OSBPL6: variants seen among roughly 807,000 people sequenced by gnomAD.
OSBPL6 encodes oxysterol binding protein like 6, also known as oxysterol-binding protein-related protein 6.
In OSBPL6, 49 loss-of-function variants were observed where a neutral mutation model predicts 125.8. The ratio of observed to expected loss-of-function variants is 0.39; its 90% CI spans 0.31 to 0.49. The LOEUF is 0.49. OSBPL6 is among the 20% of genes least tolerant of loss of function. The probability of loss-of-function intolerance (pLI) is 0.88; values close to 1 mark genes in which losing one functional copy is unlikely to be tolerated. For synonymous variants in OSBPL6, 394 were observed against 391.8 expected, an observed-to-expected ratio of 1.01 and a Z score of -0.07; for missense variants, 986 against 1,135.4, an observed-to-expected ratio of 0.87 and a Z score of 1.89.
intron 1 of OSBPL6, among the ~76,000 whole-genome samples, chr2:178,269,312 C>T (rs904351971): frequency 1.3e-5 from 2 of 152,112 alleles, no homozygotes; most frequent in African/African-American, 4.8e-5. Context: ...TGTTAATGGA[C>T]ATTTGGGTTA....
chr2:178,244,701 T>G (rs535430679), intron 1 of OSBPL6, among the ~76,000 whole-genome samples: 1 of 152,366 alleles, frequency 6.6e-6, no homozygotes, highest in South Asian at 2.1e-4. Context: ...CTACTGCTTA[T>G]GCTTATTTCA....
intron 2 of OSBPL6, among the ~76,000 whole-genome samples, chr2:178,296,132 C>G (rs13407992): frequency 0.39 from 59,684 of 151,972 alleles, 12,495 homozygotes; most frequent in East Asian, 0.68. Flanking sequence ...TGCTGGCAGG[C>G]TTATTAAAGC....
At chr2:178,351,688 A>G (rs891175776) in intron 12 of OSBPL6, among the ~76,000 whole-genome samples, 1 of 152,266 alleles carries the variant, frequency 6.6e-6, no homozygotes, top group South Asian at 2.1e-4. Flanking sequence ...CGTGTTTTGC[A>G]TGAACATGGA....
At chr2:178,240,938 G>A (rs1466323428) in intron 1 of OSBPL6, among the ~76,000 whole-genome samples, 1 of 151,998 alleles carries the variant, frequency 6.6e-6, no homozygotes, top group Admixed American at 6.5e-5. Context: ...TCCATTATGT[G>A]GCACATGGTC....
At chr2:178,201,848 C>G (rs1379300364) in intron 1 of OSBPL6, among the ~76,000 whole-genome samples, 1 of 152,198 alleles carries the variant, frequency 6.6e-6, no homozygotes. Flanking sequence ...GTGTGCCTGA[C>G]AGTGTTCCCA....
At chr2:178,359,968 T>G (rs976578985) in intron 12 of OSBPL6, among the ~76,000 whole-genome samples, 8 of 152,230 alleles carry the variant, frequency 5.3e-5, no homozygotes, top group Admixed American at 4.6e-4. Context: ...CTGCCTGTAA[T>G]CCCAGCTACT....
intron 1 of OSBPL6, among the ~76,000 whole-genome samples, chr2:178,220,520 G>T (rs1460574566): frequency 6.6e-6 from 1 of 152,050 alleles, no homozygotes; most frequent in Non-Finnish European, 1.5e-5. Flanking sequence ...TGCCCAGGCT[G>T]GTCTTGAACT....
chr2:178,391,145 C>T lies in OSBPL6; in HGVS notation c.2374C>T (p.Arg792Trp), dbSNP rs1207661650. Reference protein sequence around the residue: ...VIDQEGKAVYRLFGKWHEGLY... With the variant: ...VIDQEGKAVYWLFGKWHEGLY... ...AGATCAGGAGGGGAAGGCGGTGTAC[C>T]GGCTGTTTGGAAAGTGGCATGAAGG... The change falls in exon 22 of 25, where the codon CGG (arginine) becomes TGG (tryptophan). Residue 792 changes from arginine (R) to tryptophan (W), a missense_variant. By Grantham distance (101) the Arg-to-Trp change is moderately radical. Transcript: ENST00000190611. The T allele has an allele frequency of 1.5e-5, 24 of 1,613,598 alleles. No homozygotes were observed. The highest frequency in any genetic ancestry group is 1.8e-5 in the Non-Finnish European group (21 of 1,179,876).
At chr2:178,196,990 GT>G (rs889335160) in intron 1 of OSBPL6, among the ~76,000 whole-genome samples, 1 of 149,304 alleles carries the variant, frequency 6.7e-6, no homozygotes, top group African/African-American at 2.5e-5. Context: ...TCCATTATGT[GT>G]CTTATAACGC....
chr2:178,235,489 C>T (rs932497748), intron 1 of OSBPL6, among the ~76,000 whole-genome samples: 15 of 148,684 alleles, frequency 1.0e-4, no homozygotes, highest in African/African-American at 3.2e-4. Context: ...TCACTGCAAC[C>T]TCTGCCTCCT....
At chr2:178,387,402 G>A (rs1319544458) in intron 20 of OSBPL6, among the ~76,000 whole-genome samples, 1 of 152,172 alleles carries the variant, frequency 6.6e-6, no homozygotes, top group African/African-American at 2.4e-5. Flanking sequence ...CATCATGCTA[G>A]TTTGATTGTA....
At chr2:178,198,603 G>A (rs2089046797) in intron 1 of OSBPL6, among the ~76,000 whole-genome samples, 1 of 117,268 alleles carries the variant, frequency 8.5e-6, no homozygotes, top group African/African-American at 3.0e-5. Flanking sequence ...TTAGGTGACA[G>A]CGAGACTCCA....
intron 1 of OSBPL6, among the ~76,000 whole-genome samples, chr2:178,284,307 C>G (rs927447867): frequency 6.6e-6 from 1 of 152,100 alleles, no homozygotes; most frequent in Non-Finnish European, 1.5e-5. Flanking sequence ...AATCCCAGCC[C>G]TTTGGGAGGC....
At chr2:178,224,307 G>T (rs555955234) in intron 1 of OSBPL6, among the ~76,000 whole-genome samples, 5 of 152,150 alleles carry the variant, frequency 3.3e-5, no homozygotes, top group African/African-American at 1.2e-4. Context: ...CTATTGCAGA[G>T]TGAGCAGAAG....
rs1696040187 is a variant in OSBPL6 at position 178,399,563 on chromosome 2, G to A, written c.*4004G>A. 6.6e-6 allele frequency: 1 copy of A among 152,196 alleles called. No individual in the cohort carries two copies. Among genetic ancestry groups the A allele is most frequent in the Non-Finnish European group, 1.5e-5 (1 of 68,020 alleles). The allele number at this position is 152,196 out of a possible 1,614,324, so 9.4% of individuals were successfully genotyped here. A position where few individuals can be genotyped will look rare whatever the true frequency, so the allele number is the denominator to read the frequency against. ...CTAAAGAAGGAGGTCTTTAAAAATT[G>A]TTGTGATGGACCAACATGTCCAACA... On this transcript the variant is annotated 3_prime_UTR_variant, in exon 25 of 25. Coordinates refer to ENST00000190611, the MANE Select transcript of OSBPL6 (RefSeq NM_032523.4).
At chr2:178,362,300 G>C (rs1692432016) in intron 13 of OSBPL6, among the ~76,000 whole-genome samples, 1 of 151,878 alleles carries the variant, frequency 6.6e-6, no homozygotes, top group Non-Finnish European at 1.5e-5. Context: ...TTGCACTCTT[G>C]AGGTTTTCTT....
In OSBPL6 at chr2:178,364,349, T is replaced by G. The variant is rs1162047464; in HGVS notation, c.1287+2534T>G. The stretch of plus-strand genomic sequence containing the variant: ...TATTTCTGCATATTAGAAAGATTAC[T>G]CTGGTACAGTATGGAGGGTAGGTGG... On this transcript the variant is annotated intron_variant, in intron 13 of 24. Coordinates refer to ENST00000190611, the MANE Select transcript of OSBPL6 (RefSeq NM_032523.4). 1.1e-4 allele frequency among the ~76,000 whole-genome samples: 16 copies of G among 152,334 alleles called. No individual in the cohort carries two copies. The East Asian group carries it at 3.1e-3, about 29-fold the overall frequency.
intron 1 of OSBPL6, among the ~76,000 whole-genome samples, chr2:178,203,961 C>T (rs960910850): frequency 6.6e-6 from 1 of 151,928 alleles, no homozygotes; most frequent in East Asian, 1.9e-4. Flanking sequence ...TTTTTTTCTC[C>T]AACCTCTTTG....
Position 178,396,859 on chromosome 2 carries a change from G to A in OSBPL6, c.*1300G>A, listed in dbSNP as rs1695875338. The A allele has an allele frequency of 6.6e-6, 1 of 152,184 alleles. No homozygotes were observed. Among genetic ancestry groups the A allele is most frequent in the African/African-American group, 2.4e-5 (1 of 41,438 alleles). The allele number at this position is 152,184 out of a possible 1,614,324, so 9.4% of individuals were successfully genotyped here. On this transcript the variant is annotated 3_prime_UTR_variant, in exon 25 of 25. Coordinates refer to ENST00000190611, the MANE Select transcript of OSBPL6 (RefSeq NM_032523.4). ...TTTGTTTTTCCTCCACTAATATACA[G>A]AGGCTTTTGCAGAAAACTTGCATCA... is the stretch of plus-strand genomic sequence containing the variant.
Sources: allele counts gnomAD v4.1 joint callset (sites outside exome capture counted in the v4.1 genomes callset), GRCh38; gene constraint gnomAD v4.1.1; transcripts MANE v1.5; gene names NCBI Gene and HGNC (gene_info 2026-07-23, HGNC 2026-07-21).